GUCY1A1: variants seen among roughly 807,000 people sequenced by gnomAD.
The protein encoded by GUCY1A1 is guanylate cyclase soluble subunit alpha-1.
In GUCY1A1, 48 loss-of-function variants were observed where a neutral mutation model predicts 64.5. The ratio of observed to expected loss-of-function variants is 0.74; its 90% CI spans 0.59 to 0.95. The LOEUF (loss-of-function observed/expected upper bound fraction) is 0.95. GUCY1A1 is among the 40% of genes least tolerant of loss of function. The probability of loss-of-function intolerance (pLI) is 0.00; values close to 1 mark genes in which losing one functional copy is unlikely to be tolerated. For missense variants in GUCY1A1, 804 were observed against 825.3 expected (o/e 0.97, Z 0.32); for synonymous variants, 308 against 303.4 (o/e 1.02, Z -0.16).
At chr4:155,693,268 T>A (rs894371399) in intron 2 of GUCY1A1, among the ~76,000 whole-genome samples, 13 of 152,168 alleles carry the variant, frequency 8.5e-5, no homozygotes, top group African/African-American at 3.1e-4. Flanking sequence ...AATTATCAAC[T>A]TTTGGAATGA....
At chr4:155,688,142 G>A (rs1015737109) in intron 2 of GUCY1A1, among the ~76,000 whole-genome samples, 4 of 151,996 alleles carry the variant, frequency 2.6e-5, no homozygotes, top group South Asian at 4.2e-4. Context: ...GCAGGAGAAT[G>A]GCGTGAACCC....
chr4:155,718,808 G>A (rs1314810481), intron 8 of GUCY1A1, among the ~76,000 whole-genome samples: 1 of 152,184 alleles, frequency 6.6e-6, no homozygotes. Context: ...ATCAGCCAGA[G>A]CAATCACAAG....
chr4:155,683,635 A>G (rs549795093), intron 2 of GUCY1A1, among the ~76,000 whole-genome samples: 55 of 152,224 alleles, frequency 3.6e-4, no homozygotes, highest in Admixed American at 6.5e-4. Context: ...GTTTCTCAAG[A>G]AAGTGCAAAA....
intron 2 of GUCY1A1, among the ~76,000 whole-genome samples, chr4:155,691,389 A>C (rs1380202950): frequency 6.6e-6 from 1 of 152,186 alleles, no homozygotes; most frequent in Non-Finnish European, 1.5e-5. Flanking sequence ...TCCTACTACA[A>C]AGTGAAAAGA....
intron 4 of GUCY1A1, among the ~76,000 whole-genome samples, chr4:155,704,645 C>G (rs1731499112): frequency 6.6e-6 from 1 of 152,102 alleles, no homozygotes. Context: ...TTTGTTTATA[C>G]TTTTTTTCTA....
At chr4:155,685,138 C>T (rs562359978) in intron 2 of GUCY1A1, among the ~76,000 whole-genome samples, 8 of 152,234 alleles carry the variant, frequency 5.3e-5, no homozygotes, top group South Asian at 2.1e-4. Flanking sequence ...GTTACATGAT[C>T]GATGTTTCAG....
At chr4:155,682,546 C>A (rs1735935021) in intron 2 of GUCY1A1, among the ~76,000 whole-genome samples, 1 of 151,982 alleles carries the variant, frequency 6.6e-6, no homozygotes, top group Admixed American at 6.6e-5. Context: ...GTGGTGTGTG[C>A]CTGTAATCCC....
chr4:155,718,386 T>C lies in GUCY1A1; in HGVS notation c.1716+1084T>C, dbSNP rs1560960331. ...TAAGTCTATTGTCATCCCATTTATA[T>C]GTTTCTGTGCAACATACTTTTCTAA... On this transcript the variant is annotated intron_variant, in intron 8 of 9. Transcript: ENST00000506455. Among the ~76,000 whole-genome samples, 5 of 152,358 alleles carry C rather than the reference T, an allele frequency of 3.3e-5. No homozygotes were observed. The South Asian group carries it at 1.0e-3, about 32-fold the overall frequency.
At position 155,713,123 on chromosome 4, in the gene GUCY1A1, T is replaced by A; in HGVS notation, c.1112T>A (p.Ile371Asn). Residue 371 changes from isoleucine (I) to asparagine (N), a missense_variant, in exon 7 of 10, where the codon ATC (isoleucine) becomes AAC (asparagine). Transcript: ENST00000506455. The part of the protein sequence containing the change: ...SRVMDLKGQM[I>N]YIVESSAILF... ...GTTATGGACCTCAAAGGCCAAATGA[T>A]CTACATTGTTGAATCCAGTGCAATC... 1 of 1,612,760 alleles carries A rather than the reference T, an allele frequency of 6.2e-7. No homozygotes were observed. Among genetic ancestry groups the A allele is most frequent in the Non-Finnish European group, 8.5e-7 (1 of 1,179,058 alleles).
chr4:155,695,256 A>G (rs1178462554), intron 2 of GUCY1A1, among the ~76,000 whole-genome samples: 1 of 152,102 alleles, frequency 6.6e-6, no homozygotes, highest in Admixed American at 6.5e-5. Context: ...TGAGTTGTTC[A>G]TTGTTCTAAA....
At position 155,735,022 on chromosome 4, in the gene GUCY1A1, G is replaced by A. The variant is rs1735922978; in HGVS notation, c.*4791G>A. Reference sequence around the variant, plus strand: ...TCAGCTAGTAGATCTTTGATGAACTGTTGCTCCTCTTTAAATGTTTCTTTT... The same window carrying A: ...TCAGCTAGTAGATCTTTGATGAACTATTGCTCCTCTTTAAATGTTTCTTTT... On this transcript the variant is annotated 3_prime_UTR_variant, in exon 10 of 10. Transcript: ENST00000506455. 6.6e-6 allele frequency: 1 copy of A among 151,880 alleles called. No individual in the cohort carries two copies. Among genetic ancestry groups the A allele is most frequent in the African/African-American group, 2.4e-5 (1 of 41,406 alleles). The allele number at this position is 151,880 out of a possible 1,614,324, so 9.4% of individuals were successfully genotyped here.
chr4:155,717,376 G>A, intron 8 of GUCY1A1, 74 bp downstream of exon 8: 2 of 1,103,038 alleles, frequency 1.8e-6, no homozygotes, highest in South Asian at 2.5e-5. Flanking sequence ...AAACCATGGT[G>A]TATCAGTTGG....
At chr4:155,707,296 C>A (rs1390783961) in intron 4 of GUCY1A1, among the ~76,000 whole-genome samples, 1 of 152,188 alleles carries the variant, frequency 6.6e-6, no homozygotes, top group African/African-American at 2.4e-5. Context: ...CTTGAAAACA[C>A]CCTAAGTGGA....
intron 2 of GUCY1A1, 130 bp from the exon 3 acceptor site, chr4:155,696,626 T>C (rs568027819): frequency 4.3e-5 from 17 of 395,814 alleles, no homozygotes; most frequent in African/African-American, 2.6e-4. Flanking sequence ...CATTTTATAA[T>C]TGGCATTTCC....
At chr4:155,701,948 A>T (rs1464179069) in intron 3 of GUCY1A1, among the ~76,000 whole-genome samples, 1 of 152,172 alleles carries the variant, frequency 6.6e-6, no homozygotes, top group Non-Finnish European at 1.5e-5. Flanking sequence ...TGGCTTTATC[A>T]CTTCACAGAT....
At chr4:155,693,417 C>T (rs1333205711) in intron 2 of GUCY1A1, among the ~76,000 whole-genome samples, 4 of 152,118 alleles carry the variant, frequency 2.6e-5, no homozygotes, top group Non-Finnish European at 4.4e-5. Flanking sequence ...ACTGAATTCA[C>T]CCACTGACCA....
chr4:155,710,504 A>G, intron 5 of GUCY1A1, 38 bp from the exon 6 acceptor site: 1 of 1,176,248 alleles, frequency 8.5e-7, no homozygotes. Flanking sequence ...CCAAGGTGGC[A>G]TATTTGATAT....
At chr4:155,720,498 C>T (rs894855384) in intron 8 of GUCY1A1, among the ~76,000 whole-genome samples, 1 of 152,042 alleles carries the variant, frequency 6.6e-6, no homozygotes, top group African/African-American at 2.4e-5. Flanking sequence ...TAAAAATAAT[C>T]AAACCCCTGC....
intron 9 of GUCY1A1, chr4:155,722,516 T>A (rs1734101237): frequency 2.2e-6 from 2 of 907,098 alleles, no homozygotes; most frequent in African/African-American, 1.8e-5. Context: ...TACACTGCAG[T>A]GCAGTTCTGG....
Sources: gnomAD v4.1 joint callset for allele counts (sites outside exome capture counted in the v4.1 genomes callset) on GRCh38, gnomAD v4.1.1 for gene constraint, MANE v1.5 for transcripts, NCBI Gene and HGNC (gene_info 2026-07-23, HGNC 2026-07-21) for gene names.